The following ERN1 variants were observed in gnomAD, a reference collection of about 807,000 sequenced individuals.
ERN1 encodes serine/threonine-protein kinase/endoribonuclease IRE1.
Under a neutral mutation model 113.1 loss-of-function variants are expected in ERN1, and 39 were observed. The ratio of observed to expected loss-of-function variants is 0.34; its 90% CI spans 0.27 to 0.45. The LOEUF (loss-of-function observed/expected upper bound fraction) is 0.45. Ranked by LOEUF, ERN1 falls within the 20% of genes least tolerant of loss-of-function variation. The pLI is 1.00. For synonymous variants in ERN1, 507 were observed against 515.9 expected (o/e 0.98, Z 0.23); for missense variants, 976 against 1,274.8 (o/e 0.77, Z 3.57).
intron 11 of ERN1, among the ~76,000 whole-genome samples, chr17:64,059,848 A>ATT (rs57472561): frequency 1.1e-4 from 13 of 114,554 alleles, no homozygotes; most frequent in African/African-American, 4.2e-4. Context: ...TTCTTCAACA[A>ATT]TTTTTTTTTT....
In ERN1 at chr17:64,057,795, G is replaced by C; in HGVS notation, c.1398+7C>G. Reference sequence around the variant, plus strand: ...GTGGATGGCAAAGGGGAATTGTTGAGCTTTACCAGGGGATAGGTGATGATG... The same window carrying C: ...GTGGATGGCAAAGGGGAATTGTTGACCTTTACCAGGGGATAGGTGATGATG... On this transcript the variant is annotated splice_region_variant and intron_variant, in intron 12 of 21. Transcript: ENST00000433197. The C allele has an allele frequency of 6.2e-7, 1 of 1,612,652 alleles. No individual in the cohort carries two copies. The highest frequency in any genetic ancestry group is 1.1e-5 in the South Asian group (1 of 91,002).
At chr17:64,119,707 G>T (rs1436479588) in intron 1 of ERN1, among the ~76,000 whole-genome samples, 1 of 151,220 alleles carries the variant, frequency 6.6e-6, no homozygotes, top group Admixed American at 6.6e-5. Flanking sequence ...AATAAAGTTA[G>T]AACTTTATTT....
chr17:64,050,922 GACCC>G (rs1412416772), intron 17 of ERN1, among the ~76,000 whole-genome samples: 1 of 152,160 alleles, frequency 6.6e-6, no homozygotes, highest in Non-Finnish European at 1.5e-5. Context: ...CAAGATGACT[GACCC>G]ACCCAGGTCT....
At chr17:64,129,516 G>C (rs1461042789) in intron 1 of ERN1, 1 of 316,974 alleles carries the variant, frequency 3.2e-6, no homozygotes, top group Admixed American at 5.0e-5. Flanking sequence ...GATTCGAAGC[G>C]CAGGACAGAC....
intron 1 of ERN1, among the ~76,000 whole-genome samples, chr17:64,113,590 A>AC (rs1392522270): frequency 6.6e-6 from 1 of 151,646 alleles, no homozygotes; most frequent in Non-Finnish European, 1.5e-5. Flanking sequence ...GCTCACTGCA[A>AC]CCTCTGCCTC....
Position 64,054,836 on chromosome 17 carries a change from A to C in ERN1, c.1673-8T>G. 1 of 1,590,064 alleles carries C rather than the reference A, an allele frequency of 6.3e-7. No homozygotes were observed. Among genetic ancestry groups the C allele is most frequent in the East Asian group, 2.2e-5 (1 of 44,502 alleles). On this transcript the variant is annotated splice_region_variant and splice_polypyrimidine_tract_variant and intron_variant, in intron 13 of 21. Coordinates refer to ENST00000433197, the MANE Select transcript of ERN1 (RefSeq NM_001433.5). This position sits in a 1 kb window ranked among gnomAD's most constrained non-coding sequence, Gnocchi z 4.9. ...CCACGCTGGTTTCCTCATCTGGGAC[A>C]AAATAGGAAAAAGAGATTGTTTCAA...
At chr17:64,101,190 C>G (rs1598080095) in intron 1 of ERN1, among the ~76,000 whole-genome samples, 1 of 152,284 alleles carries the variant, frequency 6.6e-6, no homozygotes, top group South Asian at 2.1e-4. Flanking sequence ...AGGCAGATCA[C>G]TTGAGGTCAG....
chr17:64,050,492 A>T (rs1437223881), intron 17 of ERN1, among the ~76,000 whole-genome samples: 2 of 152,074 alleles, frequency 1.3e-5, no homozygotes, highest in Non-Finnish European at 2.9e-5. Context: ...CTTTAGAAAG[A>T]CTCGATAAAG....
intron 15 of ERN1, 27 bp from the exon 16 acceptor site, chr17:64,053,398 C>T (rs781259623): frequency 1.4e-5 from 21 of 1,543,920 alleles, no homozygotes; most frequent in East Asian, 1.1e-4. Flanking sequence ...AGCAAGGTCA[C>T]GGCACACAGT....
At chr17:64,076,403 G>T (rs191111930) in intron 4 of ERN1, among the ~76,000 whole-genome samples, 3 of 152,278 alleles carry the variant, frequency 2.0e-5, no homozygotes, top group Admixed American at 6.5e-5. Flanking sequence ...GCTTCAGAGA[G>T]GCTGCAATGA....
In ERN1 at chr17:64,129,962, C is replaced by T. The variant is rs1415113724; in HGVS notation, c.54+14G>A. The T allele has an allele frequency of 5.5e-6, 8 of 1,444,688 alleles. No individual in the cohort carries two copies. The highest frequency in any genetic ancestry group is 7.2e-6 in the Non-Finnish European group (8 of 1,104,786). 89.5% of individuals were successfully genotyped at this position (1,444,688 alleles called of 1,614,324 possible). Reference sequence around the variant, plus strand: ...CGCGAGCTGTCCTCCACCCCACGCTCCCCGGTCACTCACCCCGAGGCCGGG... The same window carrying T: ...CGCGAGCTGTCCTCCACCCCACGCTTCCCGGTCACTCACCCCGAGGCCGGG... On this transcript the variant is annotated intron_variant, in intron 1 of 21. Transcript: ENST00000433197.
At chr17:64,096,545 C>T (rs1240283428) in intron 2 of ERN1, among the ~76,000 whole-genome samples, 1 of 152,116 alleles carries the variant, frequency 6.6e-6, no homozygotes, top group African/African-American at 2.4e-5. Context: ...TGAGTCATCC[C>T]AAAACATTCC....
At chr17:64,118,609 G>A (rs1441876454) in intron 1 of ERN1, among the ~76,000 whole-genome samples, 1 of 152,178 alleles carries the variant, frequency 6.6e-6, no homozygotes, top group Non-Finnish European at 1.5e-5. Context: ...TTCCAGCAGA[G>A]TTTTGGATTT....
chr17:64,111,372 TGA>T (rs1049661765), intron 1 of ERN1, among the ~76,000 whole-genome samples: 3 of 151,860 alleles, frequency 2.0e-5, no homozygotes, highest in Admixed American at 2.0e-4. Flanking sequence ...TTTTTTTTTT[TGA>T]GACAGAGTTT....
chr17:64,130,089 G>A lies in ERN1; in HGVS notation c.-60C>T. 1 of 1,282,202 alleles carries A rather than the reference G, an allele frequency of 7.8e-7. No homozygotes were observed. 79.4% of individuals were successfully genotyped at this position (1,282,202 alleles called of 1,614,324 possible). On this transcript the variant is annotated 5_prime_UTR_variant, in exon 1 of 22. Transcript: ENST00000433197. The surrounding 1 kb of genome is among the most constrained non-coding windows in gnomAD (Gnocchi z 4.0). ...GGACAGAGGACGGGGCGGGGGCGCC[G>A]CGACGACAGCGAGGCGGTGACCGAG... is the stretch of plus-strand genomic sequence containing the variant.
chr17:64,124,645 C>T (rs759192151), intron 1 of ERN1, among the ~76,000 whole-genome samples: 3 of 152,166 alleles, frequency 2.0e-5, no homozygotes, highest in South Asian at 2.1e-4. Flanking sequence ...TCCCCAGCCA[C>T]GTGGAACTGT....
intron 2 of ERN1, among the ~76,000 whole-genome samples, chr17:64,088,164 T>G (rs182670547): frequency 6.6e-6 from 1 of 152,268 alleles, no homozygotes; most frequent in Admixed American, 6.5e-5. Flanking sequence ...AAGATCCTTC[T>G]CTTATCTTTC....
At chr17:64,097,684 G>A (rs956634391) in intron 2 of ERN1, among the ~76,000 whole-genome samples, 2 of 152,210 alleles carry the variant, frequency 1.3e-5, no homozygotes, top group African/African-American at 4.8e-5. Context: ...TTGGATGAAT[G>A]TCAAATCTTA....
intron 1 of ERN1, among the ~76,000 whole-genome samples, chr17:64,114,355 T>A (rs533451008): frequency 1.2e-4 from 18 of 152,304 alleles, no homozygotes; most frequent in African/African-American, 4.1e-4. Context: ...TGCGACAGCA[T>A]AACAGAAGAA....
Sources: allele counts gnomAD v4.1 joint callset (sites outside exome capture counted in the v4.1 genomes callset), GRCh38; gene constraint gnomAD v4.1.1; non-coding constraint Gnocchi (gnomAD v3.1); transcripts MANE v1.5; gene names NCBI Gene and HGNC (gene_info 2026-07-23, HGNC 2026-07-21).